Variants in CDH4 observed in about 807,000 individuals in gnomAD.
CDH4 encodes cadherin-4.
Under a neutral mutation model 86.0 loss-of-function variants are expected in CDH4, and 33 were observed. The observed-to-expected ratio is 0.38, with a 90% CI of 0.29 to 0.51. The LOEUF is 0.51. Ranked by LOEUF, CDH4 falls within the 20% of genes least tolerant of loss-of-function variation. The pLI, the probability that CDH4 is intolerant of heterozygous loss-of-function variation, is 0.86. For missense variants in CDH4, 1,114 were observed against 1,307.4 expected, an observed-to-expected ratio of 0.85 and a Z score of 2.28; for synonymous variants, 555 against 549.4, an observed-to-expected ratio of 1.01 and a Z score of -0.14.
At chr20:61,819,643 GT>G (rs778668752) in intron 4 of CDH4, among the ~76,000 whole-genome samples, 8 of 152,226 alleles carry the variant, frequency 5.3e-5, no homozygotes, top group Non-Finnish European at 1.0e-4. Context: ...TGATAGCCTT[GT>G]GGGTTTTCTC....
chr20:61,507,477 G>A (rs1046995025), intron 2 of CDH4, among the ~76,000 whole-genome samples: 1 of 152,166 alleles, frequency 6.6e-6, no homozygotes, highest in Non-Finnish European at 1.5e-5. Context: ...TGAGAAGTTT[G>A]CTGTACTTTG....
chr20:61,266,746 G>T (rs534691832), intron 2 of CDH4, among the ~76,000 whole-genome samples: 1 of 152,102 alleles, frequency 6.6e-6, no homozygotes, highest in South Asian at 2.1e-4. Context: ...CCTGCCTGGG[G>T]GGTGCTTGCT....
At chr20:61,613,141 G>GA (rs897663053) in intron 2 of CDH4, among the ~76,000 whole-genome samples, 3 of 151,822 alleles carry the variant, frequency 2.0e-5, no homozygotes, top group African/African-American at 7.3e-5. Context: ...AGTTTCCTCG[G>GA]AAAAAACAGG....
At chr20:61,397,509 C>T (rs767691431) in intron 2 of CDH4, among the ~76,000 whole-genome samples, 5 of 152,182 alleles carry the variant, frequency 3.3e-5, no homozygotes, top group African/African-American at 9.6e-5. Context: ...CACCTTGATA[C>T]GCCGTCGAGA....
intron 2 of CDH4, among the ~76,000 whole-genome samples, chr20:61,626,391 G>C (rs937974988): frequency 6.6e-6 from 1 of 151,932 alleles, no homozygotes; most frequent in African/African-American, 2.4e-5. Flanking sequence ...TGATGTGGGG[G>C]CATTACTTTG....
chr20:61,457,204 G>T (rs1232054287), intron 2 of CDH4, among the ~76,000 whole-genome samples: 1 of 152,168 alleles, frequency 6.6e-6, no homozygotes, highest in Non-Finnish European at 1.5e-5. Context: ...GGTCATGGTG[G>T]TGGCTGCAGT....
intron 2 of CDH4, among the ~76,000 whole-genome samples, chr20:61,458,592 T>C (rs2085423350): frequency 6.6e-6 from 1 of 152,022 alleles, no homozygotes; most frequent in Non-Finnish European, 1.5e-5. Context: ...ATGATTTGGA[T>C]AGTCATAATG....
chr20:61,761,371 C>T (rs1193211801), intron 3 of CDH4, among the ~76,000 whole-genome samples: 6 of 152,146 alleles, frequency 3.9e-5, no homozygotes, highest in Non-Finnish European at 5.9e-5. Flanking sequence ...CTCCCTGTTC[C>T]AACAGAGCAA....
intron 5 of CDH4, 43 bp from the exon 6 acceptor site, chr20:61,852,711 G>T (rs750439126): frequency 6.3e-7 from 1 of 1,588,258 alleles, no homozygotes; most frequent in South Asian, 1.1e-5. Context: ...GCTGAGTGGG[G>T]GTGCCCACCC....
intron 6 of CDH4, among the ~76,000 whole-genome samples, chr20:61,860,100 C>T (rs1403458402): frequency 6.6e-6 from 1 of 152,376 alleles, no homozygotes; most frequent in South Asian, 2.1e-4. Flanking sequence ...GGCAGTGACG[C>T]TGTCATTGAC....
chr20:61,285,211 T>C (rs2084286888), intron 2 of CDH4, among the ~76,000 whole-genome samples: 2 of 152,350 alleles, frequency 1.3e-5, no homozygotes, highest in South Asian at 4.1e-4. Flanking sequence ...TGGCACCATT[T>C]GACAGGTGGG....
rs925497280 is a variant in CDH4, at chr20:61,510,721, G to C, written c.170-232842G>C. 1.3e-5 allele frequency among the ~76,000 whole-genome samples: 2 copies of C among 152,120 alleles called. No individual in the cohort carries two copies. The highest frequency in any genetic ancestry group is 6.5e-5 in the Admixed American group (1 of 15,280). On this transcript the variant is annotated intron_variant, in intron 2 of 15. Transcript: ENST00000614565. This position sits in a 1 kb window ranked among gnomAD's most constrained non-coding sequence, Gnocchi z 4.2. ...TGCCCTCCATTATATAGAGGAGGCA[G>C]GTTGAAAATTGTATTAGGCTGTTCT...
chr20:61,283,352 G>A lies in CDH4; in HGVS notation c.169+28415G>A, dbSNP rs1214977891. 1.5e-5 allele frequency among the ~76,000 whole-genome samples: 2 copies of A among 137,468 alleles called. 1 individual carries two copies. The highest frequency in any genetic ancestry group is 5.8e-5 in the African/African-American group (2 of 34,464). 90.2% of individuals were successfully genotyped at this position (137,468 alleles called of 152,430 possible). On this transcript the variant is annotated intron_variant, in intron 2 of 15. Coordinates refer to ENST00000614565, the MANE Select transcript of CDH4 (RefSeq NM_001794.5). The stretch of plus-strand genomic sequence containing the variant: ...CTGTGGCGTGTGTGCGTTTGCACGC[G>A]CGTGCTGTGGCGTGTGTGATGTGTG...
At chr20:61,612,688 A>G (rs1438840416) in intron 2 of CDH4, among the ~76,000 whole-genome samples, 1 of 152,060 alleles carries the variant, frequency 6.6e-6, no homozygotes, top group Non-Finnish European at 1.5e-5. Context: ...TTCCGATGTT[A>G]CAGCTTAGAC....
intron 2 of CDH4, among the ~76,000 whole-genome samples, chr20:61,299,090 G>T (rs1392542562): frequency 6.6e-6 from 1 of 152,172 alleles, no homozygotes; most frequent in Non-Finnish European, 1.5e-5. Flanking sequence ...GGGGGTCTTT[G>T]TAGATGGAAT....
chr20:61,413,977 T>G (rs945586877), intron 2 of CDH4, among the ~76,000 whole-genome samples: 5 of 152,170 alleles, frequency 3.3e-5, no homozygotes, highest in African/African-American at 1.2e-4. Flanking sequence ...GAGGCTTCTC[T>G]CCTTGGCTTG....
chr20:61,779,632 G>C (rs1978432605), intron 4 of CDH4, among the ~76,000 whole-genome samples: 1 of 152,248 alleles, frequency 6.6e-6, no homozygotes, highest in Non-Finnish European at 1.5e-5. Context: ...ACACCCCATT[G>C]CTTCACATCC....
At chr20:61,580,583 C>T (rs2086418855) in intron 2 of CDH4, among the ~76,000 whole-genome samples, 1 of 152,212 alleles carries the variant, frequency 6.6e-6, no homozygotes, top group African/African-American at 2.4e-5. Context: ...CATGGCCCTT[C>T]TCAGCTGCCT....
chr20:61,291,973 C>T (rs548045809), intron 2 of CDH4, among the ~76,000 whole-genome samples: 62 of 152,286 alleles, frequency 4.1e-4, no homozygotes, highest in South Asian at 1.5e-3. Context: ...ATTTAGCTCC[C>T]TCTTATAAGT....
Sources: allele counts gnomAD v4.1 joint callset (sites outside exome capture counted in the v4.1 genomes callset), GRCh38; gene constraint gnomAD v4.1.1; non-coding constraint Gnocchi (gnomAD v3.1); transcripts MANE v1.5; gene names NCBI Gene and HGNC (gene_info 2026-07-23, HGNC 2026-07-21).